Variants in DACH1 observed in about 807,000 individuals in gnomAD.
The protein encoded by DACH1 is dachshund family transcription factor 1.
Under a neutral mutation model 54.2 loss-of-function variants are expected in DACH1, and 12 were observed. That is an observed-to-expected ratio of 0.22 (90% confidence interval 0.14 to 0.36). DACH1 has a LOEUF of 0.36. DACH1 is among the 10% of genes least tolerant of loss of function. The probability of loss-of-function intolerance (pLI) is 1.00; values close to 1 mark genes in which losing one functional copy is unlikely to be tolerated. For missense variants in DACH1, 805 were observed against 929.8 expected, an observed-to-expected ratio of 0.87 and a Z score of 1.75; for synonymous variants, 386 against 366.2, an observed-to-expected ratio of 1.05 and a Z score of -0.62.
intron 1 of DACH1, among the ~76,000 whole-genome samples, chr13:71,788,478 A>G (rs954728004): frequency 2.0e-5 from 3 of 152,116 alleles, no homozygotes; most frequent in Non-Finnish European, 4.4e-5. Flanking sequence ...TAACGAATCA[A>G]ATAATTTAAT....
At position 71,721,718 on chromosome 13, in the gene DACH1, G is replaced by A. The variant is rs183499713; in HGVS notation, c.849-39808C>T. Among the ~76,000 whole-genome samples the A allele has an allele frequency of 2.0e-5, 3 of 151,876 alleles. No homozygotes were observed. The East Asian group carries it at 5.8e-4, about 29-fold the overall frequency. On this transcript the variant is annotated intron_variant, in intron 1 of 10. Coordinates refer to ENST00000613252, the MANE Select transcript of DACH1 (RefSeq NM_080759.6). ...TTTAACTTAGGTTTTTATTTATTTT[G>A]TGCGATATCATAAAATAATTAAGAA... is the stretch of plus-strand genomic sequence containing the variant.
chr13:71,775,125 AGC>A (rs1886009506), intron 1 of DACH1, among the ~76,000 whole-genome samples: 1 of 79,226 alleles, frequency 1.3e-5, no homozygotes, highest in Admixed American at 1.3e-4. Context: ...TCTCAACACA[AGC>A]TTTTTTTTTT....
chr13:71,447,020 C>T (rs1291643113), intron 10 of DACH1, among the ~76,000 whole-genome samples: 1 of 152,076 alleles, frequency 6.6e-6, no homozygotes, highest in Non-Finnish European at 1.5e-5. Context: ...TTACAAATTC[C>T]TAATAGTTTC....
rs1190717721 is a variant in DACH1 at position 71,559,858 on chromosome 13, C to G, written c.1397G>C (p.Ser466Thr). ...PSSHRSSSVS[S>T]SPARTESSSD... ...AGAGCTCTCAGTCCGAGCAGGGGAG[C>G]TGGACACGCTGCTGCTGCGATGTGA... Residue 466 changes from serine (S) to threonine (T), a missense_variant, in exon 5 of 11, where the codon AGC becomes ACC. Around this residue, in one of 3 missense-constraint regions of DACH1, gnomAD observed 472 missense variants for 545.3 expected, o/e 0.87. Coordinates refer to ENST00000613252, the MANE Select transcript of DACH1 (RefSeq NM_080759.6). The G allele has an allele frequency of 3.1e-6, 5 of 1,613,392 alleles. No homozygotes were observed. Among genetic ancestry groups the G allele is most frequent in the Non-Finnish European group, 4.2e-6 (5 of 1,179,804 alleles).
chr13:71,731,451 C>G (rs999676512), intron 1 of DACH1, among the ~76,000 whole-genome samples: 4 of 151,980 alleles, frequency 2.6e-5, no homozygotes, highest in Admixed American at 2.6e-4. Context: ...ACCCGGCTAA[C>G]GTTTTGTATT....
intron 6 of DACH1, among the ~76,000 whole-genome samples, chr13:71,546,618 T>G (rs1883483828): frequency 6.6e-6 from 1 of 151,944 alleles, no homozygotes; most frequent in Non-Finnish European, 1.5e-5. Context: ...TAAAAAGCAT[T>G]TCTATACACA....
intron 1 of DACH1, among the ~76,000 whole-genome samples, chr13:71,773,060 C>A (rs944311407): frequency 2.6e-5 from 4 of 151,668 alleles, no homozygotes; most frequent in Admixed American, 6.6e-5. Flanking sequence ...CAATGATTAT[C>A]CCTAATTCTA....
chr13:71,837,211 A>T (rs1000792093), intron 1 of DACH1, among the ~76,000 whole-genome samples: 21 of 152,112 alleles, frequency 1.4e-4, no homozygotes, highest in Admixed American at 4.6e-4. Context: ...ATTTTAAGCT[A>T]GATCTATGCA....
chr13:71,804,856 A>G (rs2138134588), intron 1 of DACH1, among the ~76,000 whole-genome samples: 1 of 152,212 alleles, frequency 6.6e-6, no homozygotes, highest in South Asian at 2.1e-4. Context: ...ATTATTAATT[A>G]TTTACCTACA....
chr13:71,663,956 GT>G (rs1879670847), intron 2 of DACH1, among the ~76,000 whole-genome samples: 1 of 151,966 alleles, frequency 6.6e-6, no homozygotes, highest in African/African-American at 2.4e-5. Context: ...GTACACTGAG[GT>G]TTTATTCCCA....
At chr13:71,829,345 A>C (rs1023572703) in intron 1 of DACH1, among the ~76,000 whole-genome samples, 1 of 152,000 alleles carries the variant, frequency 6.6e-6, no homozygotes, top group Admixed American at 6.6e-5. Flanking sequence ...GAAAAATAGA[A>C]TAGAATGACT....
At chr13:71,793,248 A>C (rs946824939) in intron 1 of DACH1, among the ~76,000 whole-genome samples, 32 of 152,154 alleles carry the variant, frequency 2.1e-4, no homozygotes, top group African/African-American at 7.2e-4. Flanking sequence ...TACTTTAAGG[A>C]TGTTAGAACA....
At chr13:71,515,066 T>C (rs1320878553) in intron 6 of DACH1, among the ~76,000 whole-genome samples, 1 of 151,928 alleles carries the variant, frequency 6.6e-6, no homozygotes, top group African/African-American at 2.4e-5. Context: ...TTTGCCTACC[T>C]TTCCTTTGAG....
At chr13:71,679,219 G>A (rs763784718) in intron 2 of DACH1, among the ~76,000 whole-genome samples, 2 of 152,026 alleles carry the variant, frequency 1.3e-5, no homozygotes, top group Non-Finnish European at 2.9e-5. Context: ...TCACCAAGCC[G>A]GCAAGTGCAT....
At chr13:71,864,514 T>A (rs1338371260) in intron 1 of DACH1, among the ~76,000 whole-genome samples, 2 of 152,134 alleles carry the variant, frequency 1.3e-5, no homozygotes, top group African/African-American at 2.4e-5. Flanking sequence ...CTCCGCTCCT[T>A]CTCTCAATCT....
In DACH1 at chr13:71,608,967, A is replaced by G. The variant is rs146215232; in HGVS notation, c.1126+21589T>C. On this transcript the variant is annotated intron_variant, in intron 3 of 10. Transcript: ENST00000613252. ...AGATAAAACAGGAACTCTACCCAAC[A>G]TGCAAATGGACAAAAGATACATGAA... is the stretch of plus-strand genomic sequence containing the variant. Among the ~76,000 whole-genome samples the G allele has an allele frequency of 4.4e-3, 667 of 152,238 alleles. 2 individuals carry two copies. Among genetic ancestry groups the G allele is most frequent in the Non-Finnish European group, 8.1e-3 (552 of 67,988 alleles).
chr13:71,460,097 A>G (rs1403188543), intron 10 of DACH1, among the ~76,000 whole-genome samples: 1 of 152,108 alleles, frequency 6.6e-6, no homozygotes, highest in East Asian at 1.9e-4. Flanking sequence ...ACACTGTTCA[A>G]ACCAAGGCAA....
intron 10 of DACH1, among the ~76,000 whole-genome samples, chr13:71,472,642 T>C (rs1169127043): frequency 6.6e-6 from 1 of 152,194 alleles, no homozygotes; most frequent in Non-Finnish European, 1.5e-5. Context: ...ACAAAGAATG[T>C]CATAACACCT....
chr13:71,681,859 C>G lies in DACH1; in HGVS notation c.900G>C (p.Glu300Asp), dbSNP rs148288565. 1 of 1,613,950 alleles carries G rather than the reference C, an allele frequency of 6.2e-7. No individual in the cohort carries two copies. Among genetic ancestry groups the G allele is most frequent in the Non-Finnish European group, 8.5e-7 (1 of 1,179,902 alleles). The part of the protein sequence containing the change: ...PKRTQSVTSP[E>D]NSHIMPHSVP... ...CAGAATGCGGCATGATGTGAGAGTTCTCTGGGGAGGTGACACTTTGAGTCC... is the reference window on the plus strand; with the variant it reads ...CAGAATGCGGCATGATGTGAGAGTTGTCTGGGGAGGTGACACTTTGAGTCC... The change falls in exon 2 of 11, where the codon GAG becomes GAC. Residue 300 changes from glutamate (E) to aspartate (D), a missense_variant. Glu to Asp is a conservative substitution (Grantham distance 45, BLOSUM62 2). Transcript: ENST00000613252.
Sources: allele counts gnomAD v4.1 joint callset (sites outside exome capture counted in the v4.1 genomes callset), GRCh38; gene constraint gnomAD v4.1.1; regional missense constraint gnomAD v4.1.1; transcripts MANE v1.5; gene names NCBI Gene and HGNC (gene_info 2026-07-23, HGNC 2026-07-21).